Variants in SORBS2 observed in about 807,000 individuals in gnomAD.
SORBS2 encodes the protein sorbin and SH3 domain containing 2, also known as sorbin and SH3 domain-containing protein 2.
In SORBS2, 46 loss-of-function variants were observed where a neutral mutation model predicts 97.7. That is an observed-to-expected ratio of 0.47 (90% CI 0.37 to 0.60). SORBS2 has a LOEUF of 0.60. Among genes scored for constraint, SORBS2 ranks in the 20% least tolerant of loss-of-function variants. SORBS2 has a pLI of 0.00. For missense variants in SORBS2, 1,316 were observed against 1,282.3 expected (o/e 1.03, Z -0.40); for synonymous variants, 476 against 473.4 (o/e 1.01, Z -0.07).
In SORBS2 at chr4:185,948,859, C is replaced by T. The variant is rs567017848; in HGVS notation, c.-338+7337G>A. Among the ~76,000 whole-genome samples the T allele has an allele frequency of 1.6e-4, 24 of 151,884 alleles. No individual in the cohort carries two copies. In the South Asian group the frequency reaches 4.6e-3, roughly 29 times the overall value. On this transcript the variant is annotated intron_variant, in intron 1 of 20. Coordinates refer to the SORBS2 transcript ENST00000284776. ...TAAATTGTTATTTTTTTCTTTTGTA[C>T]TTCATTTTAATTAAAAACATTACAT...
chr4:185,678,968 G>A lies in SORBS2; in HGVS notation c.-197-146C>T, dbSNP rs1399397006. ...CTGGGTATGTCAAACATGCCAAAGG[G>A]AGGCTTGTACATTTATTTTTACTTC... On this transcript the variant is annotated intron_variant, in intron 2 of 20. Coordinates refer to the SORBS2 transcript ENST00000284776. 6.8e-6 allele frequency: 3 copies of A among 441,196 alleles called. No individual in the cohort carries two copies. In the Admixed American group the frequency reaches 1.2e-4, roughly 18 times the overall value. 27.3% of individuals were successfully genotyped at this position (441,196 alleles called of 1,614,324 possible).
chr4:185,853,284 A>T (rs564591578), intron 1 of SORBS2, among the ~76,000 whole-genome samples: 5 of 152,264 alleles, frequency 3.3e-5, no homozygotes, highest in African/African-American at 1.2e-4. Context: ...AAATAAAACC[A>T]CTTCTACAAT....
intron 2 of SORBS2, among the ~76,000 whole-genome samples, chr4:185,691,748 A>G (rs955887854): frequency 6.6e-6 from 1 of 152,060 alleles, no homozygotes; most frequent in African/African-American, 2.4e-5. Flanking sequence ...TGTCTCAGAA[A>G]AAAGTTTTTT....
At position 185,623,614 on chromosome 4, in the gene SORBS2, G is replaced by T. The variant is rs140964722; in HGVS notation, c.1515C>A (p.Asp505Glu). 7.3e-5 allele frequency: 118 copies of T among 1,613,972 alleles called. 2 individuals carry two copies. In the African/African-American group the frequency reaches 1.4e-3, roughly 19 times the overall value. The change falls in exon 7 of 15, where the codon GAC becomes GAA. Residue 505 changes from aspartate to glutamate, a missense_variant. Transcript: ENST00000418609. This position sits in a 1 kb window ranked among gnomAD's most constrained non-coding sequence, Gnocchi z 6.4. ...AGTCACTGTGGTCGGACACAACCCC[G>T]TCCTGGTCGCTGTCGGAAAACTCCA...
At chr4:185,668,802 TTC>T (rs1176018282) in intron 4 of SORBS2, among the ~76,000 whole-genome samples, 1 of 152,194 alleles carries the variant, frequency 6.6e-6, no homozygotes, top group East Asian at 1.9e-4. Context: ...TCTCCTTCTT[TTC>T]AAGACCATGG....
intron 2 of SORBS2, among the ~76,000 whole-genome samples, chr4:185,717,551 G>A (rs758625630): frequency 6.6e-6 from 1 of 152,176 alleles, no homozygotes; most frequent in Non-Finnish European, 1.5e-5. Context: ...ATGGGGGGTG[G>A]CTTGTGGTTT....
intron 2 of SORBS2, among the ~76,000 whole-genome samples, chr4:185,696,654 C>T (rs1044367637): frequency 1.3e-5 from 2 of 152,064 alleles, no homozygotes; most frequent in African/African-American, 4.8e-5. Context: ...GTTGGCCAGG[C>T]TGGTCTCGAA....
At chr4:185,699,692 T>C (rs2098231432) in intron 2 of SORBS2, among the ~76,000 whole-genome samples, 1 of 152,176 alleles carries the variant, frequency 6.6e-6, no homozygotes, top group Admixed American at 6.5e-5. Context: ...TGAAGAAATT[T>C]TGAATGCATT....
intron 1 of SORBS2, among the ~76,000 whole-genome samples, chr4:185,852,483 C>T (rs901499209): frequency 3.3e-5 from 5 of 152,154 alleles, no homozygotes; most frequent in Non-Finnish European, 7.3e-5. Flanking sequence ...TTCATGGGAA[C>T]ATTTTAATTT....
At chr4:185,654,653 T>G (rs1017361183) in intron 1 of SORBS2, among the ~76,000 whole-genome samples, 1 of 152,222 alleles carries the variant, frequency 6.6e-6, no homozygotes, top group African/African-American at 2.4e-5. Flanking sequence ...AAAGAAGTAC[T>G]CTAAGCATTT....
At chr4:185,890,816 G>A (rs1018425245) in intron 1 of SORBS2, among the ~76,000 whole-genome samples, 6 of 152,192 alleles carry the variant, frequency 3.9e-5, no homozygotes, top group African/African-American at 1.4e-4. Context: ...CTCCATATGT[G>A]TGGAATTCCA....
chr4:185,896,541 G>A lies in SORBS2; in HGVS notation c.-338+59655C>T, dbSNP rs540886302. Among the ~76,000 whole-genome samples the A allele has an allele frequency of 2.4e-3, 361 of 152,276 alleles. 1 individual carries two copies. The highest frequency in any genetic ancestry group is 7.8e-3 in the African/African-American group (325 of 41,562). ...AGAGGTTGCAGTGAGCCAAGATCGC[G>A]CCACTGCACTCCAACCTGGGTGACA... is the stretch of plus-strand genomic sequence containing the variant. On this transcript the variant is annotated intron_variant, in intron 1 of 20. Transcript: ENST00000284776.
At chr4:185,635,139 T>A (rs957512527) in intron 4 of SORBS2, among the ~76,000 whole-genome samples, 1 of 152,218 alleles carries the variant, frequency 6.6e-6, no homozygotes, top group Non-Finnish European at 1.5e-5. Context: ...CAGTTGTGGT[T>A]GGAATGATTC....
intron 1 of SORBS2, chr4:185,656,465 T>A: frequency 2.4e-6 from 1 of 411,552 alleles, no homozygotes. Flanking sequence ...TCCTGCTCTC[T>A]TTCCCATTCT....
chr4:185,725,336 T>C (rs1047201642), intron 2 of SORBS2, among the ~76,000 whole-genome samples: 5 of 152,210 alleles, frequency 3.3e-5, no homozygotes, highest in African/African-American at 7.2e-5. Flanking sequence ...TACCCACTTG[T>C]GTTCAAAGGA....
chr4:185,949,725 G>A (rs2099276267), intron 1 of SORBS2, among the ~76,000 whole-genome samples: 1 of 152,156 alleles, frequency 6.6e-6, no homozygotes. Context: ...GTTGTCTGGT[G>A]AGAGATGCAG....
chr4:185,619,880 G>A (rs2096688901), intron 8 of SORBS2, among the ~76,000 whole-genome samples, 183 bp downstream of exon 20: 1 of 152,178 alleles, frequency 6.6e-6, no homozygotes, highest in Non-Finnish European at 1.5e-5. Flanking sequence ...GCTAGGGTCA[G>A]GGTGTGGACT....
At chr4:185,871,979 C>T (rs2099230652) in intron 1 of SORBS2, among the ~76,000 whole-genome samples, 1 of 152,198 alleles carries the variant, frequency 6.6e-6, no homozygotes, top group African/African-American at 2.4e-5. Flanking sequence ...CTTTGGAAAA[C>T]ACTGAAATTG....
intron 1 of SORBS2, among the ~76,000 whole-genome samples, chr4:185,879,585 G>A (rs1489188558): frequency 6.6e-6 from 1 of 152,168 alleles, no homozygotes; most frequent in Non-Finnish European, 1.5e-5. Flanking sequence ...GATCCCTGAG[G>A]AATCGCCACA....
Sources: gnomAD v4.1 joint callset for allele counts (sites outside exome capture counted in the v4.1 genomes callset) on GRCh38, gnomAD v4.1.1 for gene constraint, Gnocchi (gnomAD v3.1) non-coding constraint, MANE v1.5 for transcripts, NCBI Gene and HGNC (gene_info 2026-07-23, HGNC 2026-07-21) for gene names.